Variants in B3GALT5 observed in about 807,000 individuals in gnomAD.
B3GALT5 encodes UDP-Gal:betaGlcNAc beta 1,3-galactosyltransferase, polypeptide 5.
For synonymous variants in B3GALT5, 156 were observed against 158.6 expected (o/e 0.98, Z 0.12); for missense variants, 328 against 396.6 (o/e 0.83, Z 1.47).
chr21:39,613,169 C>A (rs149394734), intron 1 of B3GALT5, 102 bp downstream of exon 1: 11,515 of 150,460 alleles, frequency 0.077, 521 homozygotes, highest in South Asian at 0.11. Context: ...CGCAGGGGAC[C>A]GCGGCGCGGC....
Position 39,660,788 on chromosome 21 carries a change from C to T in B3GALT5, c.229C>T (p.Arg77Trp), listed in dbSNP as rs756861168. 2.0e-5 allele frequency: 32 copies of T among 1,572,570 alleles called. No individual in the cohort carries two copies. The highest frequency in any genetic ancestry group is 6.8e-5 in the African/African-American group (5 of 73,738). The change falls in exon 4 of 4, where the codon CGG becomes TGG. Residue 77 changes from arginine (R) to tryptophan (W), a missense_variant. Transcript: ENST00000684187. ...HKQLAERMAIRQTWGKERMVK... is the reference protein window; with the variant it reads ...HKQLAERMAIWQTWGKERMVK... ...ACAGTTGGCTGAGCGCATGGCCATC[C>T]GGCAGACGTGGGGGAAAGAGAGGAT...
chr21:39,661,148 A>C lies in B3GALT5; in HGVS notation c.589A>C (p.Lys197Gln). Residue 197 changes from lysine (K) to glutamine (Q), a missense_variant, in exon 4 of 4, where the codon AAG (lysine) becomes CAG (glutamine). Transcript: ENST00000684187. This position sits in a 1 kb window ranked among gnomAD's most constrained non-coding sequence, Gnocchi z 4.7. ...GTTTCCCATCAGGCAGCCATTCAGC[A>C]AGTGGTTTGTCAGTAAATCTGAATA... is the stretch of plus-strand genomic sequence containing the variant. ...NEFPIRQPFSKWFVSKSEYPW... is the reference protein window; with the variant it reads ...NEFPIRQPFSQWFVSKSEYPW... 6.2e-7 allele frequency: 1 copy of C among 1,613,998 alleles called. No homozygotes were observed. The highest frequency in any genetic ancestry group is 8.5e-7 in the Non-Finnish European group (1 of 1,179,890).
intron 1 of B3GALT5, among the ~76,000 whole-genome samples, chr21:39,634,843 T>G (rs2079215663): frequency 6.6e-6 from 1 of 152,120 alleles, no homozygotes; most frequent in African/African-American, 2.4e-5. Flanking sequence ...CAAAGCACAT[T>G]CCCTATTCAT....
At chr21:39,639,389 TCCTTC>T (rs2079263507) in intron 1 of B3GALT5, among the ~76,000 whole-genome samples, 2 of 122,402 alleles carry the variant, frequency 1.6e-5, no homozygotes, top group African/African-American at 3.1e-5. Context: ...CTTCCTTCCT[TCCTTC>T]TTTCTTTTTC....
rs1451483632 is a variant in B3GALT5 at position 39,612,980 on chromosome 21, CG to C, written c.-478del. The C allele has an allele frequency of 6.6e-6, 1 of 151,712 alleles. No homozygotes were observed. The highest frequency in any genetic ancestry group is 2.4e-5 in the African/African-American group (1 of 41,396). The allele number at this position is 151,712 out of a possible 1,614,324, so 9.4% of individuals were successfully genotyped here. Reference sequence around the variant, plus strand: ...CCAGCGCCTCCGGGGACCGGCCGCGCGCCCCCTGCGTCCGCGGGCCGGGATG... The same window carrying C: ...CCAGCGCCTCCGGGGACCGGCCGCGCCCCCCTGCGTCCGCGGGCCGGGATG... On this transcript the variant is annotated 5_prime_UTR_variant, in exon 1 of 4. Coordinates refer to ENST00000684187, the MANE Select transcript of B3GALT5 (RefSeq NM_001356336.2).
chr21:39,635,665 A>C (rs946336963), intron 1 of B3GALT5, among the ~76,000 whole-genome samples: 1 of 152,038 alleles, frequency 6.6e-6, no homozygotes, highest in Non-Finnish European at 1.5e-5. Flanking sequence ...TTTTTAGTAA[A>C]GACAGGGTTT....
At chr21:39,629,284 G>T (rs1041824045) in intron 1 of B3GALT5, among the ~76,000 whole-genome samples, 1 of 152,116 alleles carries the variant, frequency 6.6e-6, no homozygotes, top group Non-Finnish European at 1.5e-5. Flanking sequence ...CAAAGTGCTG[G>T]GATTATAGGC....
At chr21:39,633,287 G>A (rs2146192648) in intron 1 of B3GALT5, among the ~76,000 whole-genome samples, 1 of 152,264 alleles carries the variant, frequency 6.6e-6, no homozygotes, top group African/African-American at 2.4e-5. Flanking sequence ...GTGATGAGGT[G>A]TTTCTGAGTT....
chr21:39,623,237 C>CCTTCCTTCCTTCCTTCCTT (rs1569206715), intron 1 of B3GALT5, among the ~76,000 whole-genome samples: 1 of 15,962 alleles, frequency 6.3e-5, no homozygotes, highest in Non-Finnish European at 1.2e-4. Context: ...CTCCCTCCCT[C>CCTTCCTTCCTTCCTTCCTT]CCTCCCTTCC....
chr21:39,630,000 T>G (rs1194638164), intron 1 of B3GALT5, among the ~76,000 whole-genome samples: 1 of 152,226 alleles, frequency 6.6e-6, no homozygotes, highest in African/African-American at 2.4e-5. Context: ...TCCAACTGAT[T>G]TTGAAAATTT....
rs531757919 is a variant in B3GALT5 at position 39,660,890 on chromosome 21, C to A, written c.331C>A (p.Gln111Lys). 1.9e-6 allele frequency: 3 copies of A among 1,611,810 alleles called. No homozygotes were observed. Among genetic ancestry groups the A allele is most frequent in the African/African-American group, 2.7e-5 (2 of 74,848 alleles). ...SSAAETKEVD[Q>K]ESQRHGDIIQ... is the part of the protein sequence containing the mutation. ...TGCAGCGGAAACGAAAGAGGTGGAC[C>A]AGGAGAGCCAGCGACACGGGGACAT... Residue 111 changes from glutamine to lysine, a missense_variant, in exon 4 of 4, where the codon CAG (glutamine) becomes AAG (lysine). Transcript: ENST00000684187.
intron 1 of B3GALT5, among the ~76,000 whole-genome samples, chr21:39,637,686 C>T (rs1398527918): frequency 6.6e-6 from 1 of 152,226 alleles, no homozygotes; most frequent in Non-Finnish European, 1.5e-5. Flanking sequence ...ATTAACTTGC[C>T]ACCAGGGAAC....
intron 2 of B3GALT5, chr21:39,657,790 CCTGA>C (rs1298547231): frequency 6.3e-6 from 7 of 1,115,516 alleles, no homozygotes; most frequent in Non-Finnish European, 7.9e-6. Flanking sequence ...TCTAGAGAAC[CCTGA>C]CTAATACACC....
chr21:39,637,736 G>T (rs1023049243), intron 1 of B3GALT5, among the ~76,000 whole-genome samples: 2 of 152,220 alleles, frequency 1.3e-5, no homozygotes, highest in African/African-American at 4.8e-5. Context: ...ATTCAGAGGT[G>T]CTAGAGAGAC....
intron 1 of B3GALT5, among the ~76,000 whole-genome samples, chr21:39,639,388 T>TTTC (rs1569212286): frequency 1.9e-4 from 24 of 126,344 alleles, no homozygotes; most frequent in African/African-American, 4.8e-4. Context: ...CCTTCCTTCC[T>TTTC]TCCTTCTTTC....
intron 1 of B3GALT5, among the ~76,000 whole-genome samples, chr21:39,637,520 G>A (rs993189720): frequency 2.0e-5 from 3 of 152,204 alleles, no homozygotes; most frequent in Admixed American, 1.3e-4. Flanking sequence ...TGTTGTATGC[G>A]GAAACAGCTG....
chr21:39,634,477 T>C (rs1041270878), intron 1 of B3GALT5, among the ~76,000 whole-genome samples: 3 of 152,182 alleles, frequency 2.0e-5, no homozygotes, highest in African/African-American at 7.2e-5. Context: ...TTTGTTGTGC[T>C]GGTTGGCTCA....
intron 1 of B3GALT5, among the ~76,000 whole-genome samples, chr21:39,637,706 G>T (rs549861660): frequency 6.6e-6 from 1 of 152,210 alleles, no homozygotes; most frequent in African/African-American, 2.4e-5. Flanking sequence ...CCCACCTGCC[G>T]TGGCTTTTCT....
intron 1 of B3GALT5, among the ~76,000 whole-genome samples, chr21:39,614,428 G>C (rs1397353179): frequency 6.6e-6 from 1 of 152,288 alleles, no homozygotes; most frequent in Admixed American, 6.5e-5. Context: ...GATGCAAATC[G>C]GAAAGAGATG....
Sources: allele counts gnomAD v4.1 joint callset (sites outside exome capture counted in the v4.1 genomes callset), GRCh38; gene constraint gnomAD v4.1.1; non-coding constraint Gnocchi (gnomAD v3.1); transcripts MANE v1.5; gene names NCBI Gene and HGNC (gene_info 2026-07-23, HGNC 2026-07-21).